CRELD1: variants seen among roughly 807,000 people sequenced by gnomAD.
The protein encoded by CRELD1 is CRELD disulfide isomerase 1.
A neutral mutation model predicts 58.2 loss-of-function variants in CRELD1; 42 were observed. That is an observed-to-expected ratio of 0.72 (90% CI 0.56 to 0.93). The LOEUF is 0.93. Among genes scored for constraint, CRELD1 ranks in the 40% least tolerant of loss-of-function variants. The pLI is 0.00. For synonymous variants in CRELD1, 222 were observed against 202.0 expected (o/e 1.10, Z -0.84); for missense variants, 500 against 540.6 (o/e 0.92, Z 0.74).
chr3:9,939,125 G>A (rs2085275577), intron 5 of CRELD1, among the ~76,000 whole-genome samples: 4 of 150,710 alleles, frequency 2.7e-5, no homozygotes, highest in African/African-American at 9.8e-5. Flanking sequence ...GAAACAGAGC[G>A]AGACCCTGTC....
chr3:9,941,402 C>G (rs1243556485), intron 7 of CRELD1, among the ~76,000 whole-genome samples, 196 bp downstream of exon 7: 1 of 151,936 alleles, frequency 6.6e-6, no homozygotes, highest in East Asian at 1.9e-4. Flanking sequence ...TCCCTGTGTA[C>G]AGTGAGAGAT....
chr3:9,939,710 G>A (rs1156492824), intron 5 of CRELD1, among the ~76,000 whole-genome samples: 1 of 152,232 alleles, frequency 6.6e-6, no homozygotes, highest in African/African-American at 2.4e-5. Context: ...AGAACAAAAT[G>A]AAAAGTCTCC....
rs2124849537 is a variant in CRELD1 at position 9,940,978 on chromosome 3, C to T, written c.589C>T (p.Leu197Phe). 4 of 1,614,108 alleles carry T rather than the reference C, an allele frequency of 2.5e-6. No individual in the cohort carries two copies. In the South Asian group the frequency reaches 3.3e-5, roughly 13 times the overall value. The change falls in exon 6 of 11, where the codon CTT becomes TTT. Residue 197 changes from leucine to phenylalanine, a missense_variant. Coordinates refer to ENST00000452070, the MANE Select transcript of CRELD1 (RefSeq NM_001077415.3). The stretch of plus-strand genomic sequence containing the variant: ...GGGTGAGGCCTGTGGCCAGTGTGGC[C>T]TTGGCTACTTTGAGGCAGAACGCAA... ...YGGEACGQCG[L>F]GYFEAERNAS...
At position 9,937,661 on chromosome 3, in the gene CRELD1, G is replaced by A. The variant is rs1206951397; in HGVS notation, c.357G>A (p.Trp119Ter). 6.2e-7 allele frequency: 1 copy of A among 1,606,478 alleles called. No individual in the cohort carries two copies. Among genetic ancestry groups the A allele is most frequent in the Non-Finnish European group, 8.5e-7 (1 of 1,177,128 alleles). The change falls in exon 4 of 11, where the codon TGG becomes TGA. Residue 119 changes from tryptophan to a stop codon, truncating the protein, a stop_gained. Transcript: ENST00000452070. LOFTEE classifies it high-confidence loss of function. ...LELSEELVES[W>*]WFHKQQEAPD... The stretch of plus-strand genomic sequence containing the variant: ...TGAGTGAGGAGCTGGTGGAGAGCTG[G>A]TGGTTTCACAAGTGAGTGGCAAAGG...
chr3:9,944,697 T>C lies in CRELD1; in HGVS notation c.*118T>C. 1 of 989,728 alleles carries C rather than the reference T, an allele frequency of 1.0e-6. No homozygotes were observed. The highest frequency in any genetic ancestry group is 1.5e-6 in the Non-Finnish European group (1 of 650,420). The allele number at this position is 989,728 out of a possible 1,614,324, so 61.3% of individuals were successfully genotyped here. On this transcript the variant is annotated 3_prime_UTR_variant, in exon 11 of 11. Transcript: ENST00000452070. ...TTTTTGAGAGTGGGGTAAGCACCCC[T>C]ACCTGCCTTACAGAGCAGCCCAGGT...
At chr3:9,941,789 C>CAAAA (rs34088708) in intron 7 of CRELD1, among the ~76,000 whole-genome samples, 4 of 20,618 alleles carry the variant, frequency 1.9e-4, no homozygotes, top group Admixed American at 5.8e-4. Context: ...GACTCCATCT[C>CAAAA]AAAAAAAAAA....
intron 3 of CRELD1, among the ~76,000 whole-genome samples, chr3:9,936,962 A>C (rs1306683818): frequency 2.0e-5 from 3 of 152,180 alleles, no homozygotes; most frequent in Non-Finnish European, 4.4e-5. Context: ...GCATCAGTTG[A>C]TGGACATCTG....
chr3:9,937,965 A>C (rs367996813), intron 4 of CRELD1, 50 bp from the exon 5 acceptor site: 2 of 1,313,504 alleles, frequency 1.5e-6, no homozygotes, highest in African/African-American at 1.5e-5. Context: ...CACTTATGAC[A>C]CTATCTCAGC....
chr3:9,937,830 G>A (rs111591541), intron 4 of CRELD1, among the ~76,000 whole-genome samples, 158 bp downstream of exon 4: 3 of 152,168 alleles, frequency 2.0e-5, no homozygotes, highest in Non-Finnish European at 4.4e-5. Context: ...GGGGACTTGC[G>A]CTCCACTTTG....
intron 3 of CRELD1, among the ~76,000 whole-genome samples, chr3:9,935,498 T>C (rs1175421314): frequency 6.6e-6 from 1 of 152,066 alleles, no homozygotes; most frequent in African/African-American, 2.4e-5. Flanking sequence ...GCAAACGGAT[T>C]GTAAGGGGCA....
rs1364875858 is a variant in CRELD1, at chr3:9,944,481, T to A, written c.1165T>A (p.Phe389Ile). ...GCTGGCTGCTAAGGGCGACTTGGTG[T>A]TCACCGCCATCTTCATTGGGGCTGT... ...ATLAAKGDLV[F>I]TAIFIGAVAA... The change falls in exon 11 of 11, where the codon TTC (phenylalanine) becomes ATC (isoleucine). Residue 389 changes from phenylalanine to isoleucine, a missense_variant. Coordinates refer to ENST00000452070, the MANE Select transcript of CRELD1 (RefSeq NM_001077415.3). The A allele has an allele frequency of 6.2e-7, 1 of 1,613,420 alleles. No individual in the cohort carries two copies. The highest frequency in any genetic ancestry group is 1.3e-5 in the African/African-American group (1 of 75,042).
chr3:9,942,601 T>C (rs2085399502), intron 7 of CRELD1, among the ~76,000 whole-genome samples: 1 of 152,182 alleles, frequency 6.6e-6, no homozygotes. Context: ...CAGAACTCAA[T>C]CACAGGGACA....
At position 9,934,580 on chromosome 3, in the gene CRELD1, A is replaced by T; in HGVS notation, c.142A>T (p.Thr48Ser). 1 of 1,613,896 alleles carries T rather than the reference A, an allele frequency of 6.2e-7. No individual in the cohort carries two copies. The highest frequency in any genetic ancestry group is 8.5e-7 in the Non-Finnish European group (1 of 1,179,908). ...SPPPQPHPCH[T>S]CRGLVDSFNK... is the part of the protein sequence containing the mutation. ...CCCGCCTCAGCCCCATCCGTGTCATACCTGCCGGGGACTGGTTGACAGCTT... is the reference window on the plus strand; with the variant it reads ...CCCGCCTCAGCCCCATCCGTGTCATTCCTGCCGGGGACTGGTTGACAGCTT... The change falls in exon 2 of 11, where the codon ACC (threonine) becomes TCC (serine). Residue 48 changes from threonine (T) to serine (S), a missense_variant. Thr to Ser is a moderately conservative substitution (Grantham distance 58). Transcript: ENST00000452070.
rs1323760059 is a variant in CRELD1, at chr3:9,939,184, TAAAA to T, written c.460+1079_460+1082del. Among the ~76,000 whole-genome samples, 194 of 143,622 alleles carry T rather than the reference TAAAA, an allele frequency of 1.4e-3. 1 individual carries two copies. Among genetic ancestry groups the T allele is most frequent in the Non-Finnish European group, 2.0e-3 (130 of 66,000 alleles). The allele number at this position is 143,622 out of a possible 152,430, so 94.2% of individuals were successfully genotyped here. A position where few individuals can be genotyped will look rare whatever the true frequency, so the allele number is the denominator to read the frequency against. ...ATAAATAAATAAATAAATAAATAAATAAAAGGTCTGTAAAATCTAATTGTTCCAC... is the reference window on the plus strand; with the variant it reads ...ATAAATAAATAAATAAATAAATAAATGGTCTGTAAAATCTAATTGTTCCAC... On this transcript the variant is annotated intron_variant, in intron 5 of 10. Transcript: ENST00000452070.
In CRELD1 at chr3:9,937,554, C is replaced by T; in HGVS notation, c.258-8C>T. 6.2e-7 allele frequency: 1 copy of T among 1,601,782 alleles called. No homozygotes were observed. Among genetic ancestry groups the T allele is most frequent in the Non-Finnish European group, 8.5e-7 (1 of 1,172,204 alleles). ...ATGTTTCCCACCAGCCCTGCCCTGT[C>T]CGATCAGTGAGACCCGCCTGGTAGA... On this transcript the variant is annotated splice_region_variant and splice_polypyrimidine_tract_variant and intron_variant, in intron 3 of 10. Coordinates refer to ENST00000452070, the MANE Select transcript of CRELD1 (RefSeq NM_001077415.3).
At chr3:9,941,825 G>T (rs1474100439) in intron 7 of CRELD1, among the ~76,000 whole-genome samples, 2 of 151,132 alleles carry the variant, frequency 1.3e-5, no homozygotes, top group Non-Finnish European at 1.5e-5. Context: ...AATGAGGAAG[G>T]GTTGGCTAGG....
At chr3:9,944,110 G>GC in intron 10 of CRELD1, 1 of 789,624 alleles carries the variant, frequency 1.3e-6, no homozygotes, top group Non-Finnish European at 2.3e-6. Context: ...TAAATGCTCT[G>GC]CCCCCAACTT....
At chr3:9,944,326 G>C (rs368371237) in intron 10 of CRELD1, 39 bp from the exon 11 acceptor site, 16 of 1,554,548 alleles carry the variant, frequency 1.0e-5, no homozygotes, top group Non-Finnish European at 1.3e-5. Flanking sequence ...CCAGGAACAG[G>C]GATACGAGTG....
chr3:9,937,668 C>T lies in CRELD1; in HGVS notation c.364C>T (p.His122Tyr), dbSNP rs546227897. The change falls in exon 4 of 11, where the codon CAC becomes TAC. Residue 122 changes from histidine (H) to tyrosine (Y), a missense_variant. Coordinates refer to ENST00000452070, the MANE Select transcript of CRELD1 (RefSeq NM_001077415.3). ...SEELVESWWF[H>Y]KQQEAPDLFQ... ...GGAGCTGGTGGAGAGCTGGTGGTTT[C>T]ACAAGTGAGTGGCAAAGGGCCTTCC... 4.4e-6 allele frequency: 7 copies of T among 1,602,890 alleles called. No homozygotes were observed. In the South Asian group the frequency reaches 5.6e-5, roughly 13 times the overall value.
Sources: gnomAD v4.1 joint callset for allele counts (sites outside exome capture counted in the v4.1 genomes callset) on GRCh38, gnomAD v4.1.1 for gene constraint, MANE v1.5 for transcripts, NCBI Gene and HGNC (gene_info 2026-07-23, HGNC 2026-07-21) for gene names.